The following ZNF532 variants were observed in gnomAD, a reference collection of about 807,000 sequenced individuals.
ZNF532 encodes zinc finger protein 532.
A neutral mutation model predicts 89.3 loss-of-function variants in ZNF532; 22 were observed. That is an observed-to-expected ratio of 0.25 (90% CI 0.18 to 0.35). ZNF532 has a LOEUF of 0.35. ZNF532 is among the 10% of genes least tolerant of loss of function. ZNF532 has a pLI of 1.00. For missense variants in ZNF532, 1,132 were observed against 1,643.4 expected (o/e 0.69, Z 5.38); for synonymous variants, 606 against 649.6 (o/e 0.93, Z 1.02).
chr18:58,972,852 C>G (rs937438127), intron 7 of ZNF532, among the ~76,000 whole-genome samples: 1 of 152,202 alleles, frequency 6.6e-6, no homozygotes. Context: ...CTTCGTAGAA[C>G]CTGCCGATGT....
chr18:58,883,253 A>C (rs371539940), intron 2 of ZNF532, among the ~76,000 whole-genome samples: 1 of 152,224 alleles, frequency 6.6e-6, no homozygotes, highest in South Asian at 2.1e-4. Flanking sequence ...TTTAAAGTCA[A>C]TGATGGTGGG....
At chr18:58,952,441 G>C (rs996519528) in intron 6 of ZNF532, among the ~76,000 whole-genome samples, 6 of 152,062 alleles carry the variant, frequency 3.9e-5, no homozygotes, top group Admixed American at 2.0e-4. Flanking sequence ...GTCTTGCTCT[G>C]TTGCCCAGGC....
In ZNF532 at chr18:58,920,459, T is replaced by G; in HGVS notation, c.2172T>G (p.Thr724=). The G allele has an allele frequency of 1.2e-6, 2 of 1,613,962 alleles. No individual in the cohort carries two copies. The highest frequency in any genetic ancestry group is 1.7e-6 in the Non-Finnish European group (2 of 1,179,862). ...TCACAAAAATTCAGTCTGGCATAAC[T>G]GGGACAGTCATATCGGCTCCTTCAA... ...HTVTKIQSGI[T]GTVISAPSST... is the part of the protein sequence containing the mutation. The change falls in exon 3 of 10, where the codon ACT becomes ACG. Residue 724 remains threonine, a synonymous_variant. Transcript: ENST00000591808.
chr18:58,897,926 T>G (rs979503957), intron 2 of ZNF532, among the ~76,000 whole-genome samples: 1 of 152,226 alleles, frequency 6.6e-6, no homozygotes, highest in Non-Finnish European at 1.5e-5. Context: ...CACTCCACCC[T>G]GGGTGACAAA....
chr18:58,975,593 C>T (rs750461334), intron 7 of ZNF532, among the ~76,000 whole-genome samples: 7 of 152,180 alleles, frequency 4.6e-5, no homozygotes, highest in Admixed American at 6.5e-5. Flanking sequence ...TGGGGTAGCG[C>T]ACGCCTAGCA....
At chr18:58,922,103 G>A (rs2061141895) in intron 3 of ZNF532, among the ~76,000 whole-genome samples, 1 of 150,762 alleles carries the variant, frequency 6.6e-6, no homozygotes, top group Non-Finnish European at 1.5e-5. Flanking sequence ...GCAAGACCCT[G>A]TCTCCAAAAA....
chr18:58,875,071 G>T (rs1220442995), intron 2 of ZNF532, among the ~76,000 whole-genome samples: 1 of 151,358 alleles, frequency 6.6e-6, no homozygotes, highest in Non-Finnish European at 1.5e-5. Flanking sequence ...AAGATGTAAT[G>T]AAAAAAAACA....
At position 58,907,419 on chromosome 18, in the gene ZNF532, C is replaced by CAA. The variant is rs2059998751; in HGVS notation, c.-17-10852_-17-10851insAA. ...CAGGCTGGTCTTGAACTCCTGACCTCGTGATCCCCCCTGCCCACCTTGGCC... is the reference window on the plus strand; with the variant it reads ...CAGGCTGGTCTTGAACTCCTGACCTCAAGTGATCCCCCCTGCCCACCTTGGCC... On this transcript the variant is annotated intron_variant, in intron 2 of 9. Coordinates refer to ENST00000591808, the MANE Select transcript of ZNF532 (RefSeq NM_001375912.1). Among the ~76,000 whole-genome samples the CAA allele has an allele frequency of 4.6e-5, 7 of 152,160 alleles. No homozygotes were observed. In the South Asian group the frequency reaches 1.2e-3, roughly 27 times the overall value.
chr18:58,963,866 A>G (rs1317742420), intron 7 of ZNF532, among the ~76,000 whole-genome samples: 1 of 151,944 alleles, frequency 6.6e-6, no homozygotes, highest in Non-Finnish European at 1.5e-5. Context: ...CACCCACACA[A>G]CCTGGAACCT....
intron 2 of ZNF532, among the ~76,000 whole-genome samples, chr18:58,914,717 C>T (rs572657801): frequency 6.6e-6 from 1 of 152,156 alleles, no homozygotes; most frequent in South Asian, 2.1e-4. Flanking sequence ...ACTATTATTG[C>T]CTTTGAAGGG....
chr18:58,974,848 A>T lies in ZNF532; in HGVS notation c.3151-4207A>T, dbSNP rs548057190. ...GCTCACTGCAGGTCTTTTTCAAGGT[A>T]AAGTGCAGTGTTTTTTGCATTTCTT... On this transcript the variant is annotated intron_variant, in intron 7 of 9. Transcript: ENST00000591808. Among the ~76,000 whole-genome samples, 214 of 152,362 alleles carry T rather than the reference A, an allele frequency of 1.4e-3. 1 individual carries two copies. Among genetic ancestry groups the T allele is most frequent in the Middle Eastern group, 6.8e-3 (2 of 294 alleles).
chr18:58,945,539 CT>C (rs2063573760), intron 5 of ZNF532, among the ~76,000 whole-genome samples: 1 of 152,198 alleles, frequency 6.6e-6, no homozygotes, highest in Non-Finnish European at 1.5e-5. Context: ...CTGTTTTACA[CT>C]TCCTGTTGTT....
intron 2 of ZNF532, among the ~76,000 whole-genome samples, chr18:58,867,918 C>T (rs1441821749): frequency 6.6e-6 from 1 of 152,218 alleles, no homozygotes; most frequent in Non-Finnish European, 1.5e-5. Context: ...CCCCCACCCA[C>T]CTTGACTCAT....
rs186652441 is a variant in ZNF532, at chr18:58,974,145, T to C, written c.3151-4910T>C. ...CTCAGTTTTTTTTGCGGTAAAATTT[T>C]TTTTGGATATGTGCTATATTTACAT... is the stretch of plus-strand genomic sequence containing the variant. On this transcript the variant is annotated intron_variant, in intron 7 of 9. Coordinates refer to ENST00000591808, the MANE Select transcript of ZNF532 (RefSeq NM_001375912.1). Among the ~76,000 whole-genome samples, 55 of 152,302 alleles carry C rather than the reference T, an allele frequency of 3.6e-4. 1 individual carries two copies. The highest frequency in any genetic ancestry group is 1.3e-3 in the African/African-American group (54 of 41,558).
chr18:58,875,904 T>G (rs533059177), intron 2 of ZNF532, among the ~76,000 whole-genome samples: 2 of 151,926 alleles, frequency 1.3e-5, no homozygotes, highest in Non-Finnish European at 2.9e-5. Flanking sequence ...TCTCACACTT[T>G]AGTTTGCATA....
intron 7 of ZNF532, among the ~76,000 whole-genome samples, chr18:58,957,406 C>CATATAT (rs58182199): frequency 0.039 from 5,423 of 138,610 alleles, 226 homozygotes; most frequent in East Asian, 0.22. Flanking sequence ...ACTTAAAATA[C>CATATAT]ATATATATAT....
chr18:58,881,237 T>G (rs1281737174), intron 2 of ZNF532, among the ~76,000 whole-genome samples: 3 of 152,048 alleles, frequency 2.0e-5, no homozygotes, highest in Non-Finnish European at 4.4e-5. Flanking sequence ...GTTCAAGTGA[T>G]TCTCCTGCCT....
rs1270337299 is a variant in ZNF532 at position 58,918,443 on chromosome 18, C to T, written c.156C>T (p.His52=). 3.1e-6 allele frequency: 5 copies of T among 1,614,186 alleles called. No homozygotes were observed. Among genetic ancestry groups the T allele is most frequent in the Middle Eastern group, 1.6e-4 (1 of 6,062 alleles). ...ATGCTCACGGAGAGGATGACTCCCA[C>T]GCACCATCATCTTCTGATGTGGGTG... is the stretch of plus-strand genomic sequence containing the variant. The part of the protein sequence containing the change: ...KQNAHGEDDS[H]APSSSDVGVS... Residue 52 remains histidine (H), a synonymous_variant, in exon 3 of 10, where the codon CAC becomes CAT. Coordinates refer to ENST00000591808, the MANE Select transcript of ZNF532 (RefSeq NM_001375912.1).
chr18:58,981,135 G>A (rs2067719579), intron 8 of ZNF532: 1 of 258,286 alleles, frequency 3.9e-6, no homozygotes, highest in African/African-American at 2.3e-5. Flanking sequence ...TGTCAAGGCA[G>A]AGGACAGGGA....
Sources: allele counts gnomAD v4.1 joint callset (sites outside exome capture counted in the v4.1 genomes callset), GRCh38; gene constraint gnomAD v4.1.1; transcripts MANE v1.5; gene names NCBI Gene and HGNC (gene_info 2026-07-23, HGNC 2026-07-21).